Variants in ELAPOR2 observed in about 807,000 individuals in gnomAD.
ELAPOR2 encodes endosome/lysosome-associated apoptosis and autophagy regulator family member 2.
In ELAPOR2, 89 loss-of-function variants were observed where a neutral mutation model predicts 120.7. The observed-to-expected ratio is 0.74, with a 90% CI of 0.62 to 0.88. ELAPOR2 has a LOEUF of 0.88. ELAPOR2 is among the 40% of genes least tolerant of loss of function. The pLI is 0.00. For missense variants in ELAPOR2, 1,134 were observed against 1,251.6 expected (o/e 0.91, Z 1.42); for synonymous variants, 444 against 444.9 (o/e 1.00, Z 0.03).
At chr7:86,911,779 T>C in intron 15 of ELAPOR2, 1 of 526,916 alleles carries the variant, frequency 1.9e-6, no homozygotes, top group Non-Finnish European at 3.6e-6. Context: ...TTGACAACCC[T>C]GACCCATTTT....
Position 86,918,428 on chromosome 7 carries a change from G to C in ELAPOR2, c.1593+14C>G. ...GCTTAGAAATCTGCCTTTGAAAGCC[G>C]CCCGTCCACTTACCACCATGAAGTA... On this transcript the variant is annotated intron_variant, in intron 12 of 21. Coordinates refer to ENST00000450689, the MANE Select transcript of ELAPOR2 (RefSeq NM_001142749.3). The C allele has an allele frequency of 6.5e-7, 1 of 1,529,292 alleles. No individual in the cohort carries two copies. The highest frequency in any genetic ancestry group is 9.0e-7 in the Non-Finnish European group (1 of 1,114,306). 94.7% of individuals were successfully genotyped at this position (1,529,292 alleles called of 1,614,324 possible).
At chr7:87,001,072 A>C (rs146628849) in intron 1 of ELAPOR2, among the ~76,000 whole-genome samples, 2 of 152,284 alleles carry the variant, frequency 1.3e-5, no homozygotes, top group African/African-American at 4.8e-5. Flanking sequence ...TTCCCTGGAA[A>C]CCATCCTAAC....
intron 5 of ELAPOR2, chr7:86,941,481 C>A: frequency 2.2e-6 from 1 of 463,396 alleles, no homozygotes; most frequent in South Asian, 1.6e-5. Context: ...GGTTGAGGCT[C>A]CAAAGAGATA....
chr7:86,987,459 C>T (rs1039143467), intron 1 of ELAPOR2, among the ~76,000 whole-genome samples: 2 of 151,748 alleles, frequency 1.3e-5, no homozygotes, highest in African/African-American at 2.4e-5. Context: ...TGACAAAGGG[C>T]TAATATCCAG....
chr7:87,016,831 C>T (rs1793884976), intron 1 of ELAPOR2, among the ~76,000 whole-genome samples: 1 of 151,850 alleles, frequency 6.6e-6, no homozygotes, highest in Non-Finnish European at 1.5e-5. Flanking sequence ...AACAGCAGCA[C>T]CCAAAGTAAA....
chr7:86,961,863 T>C (rs573477660), intron 2 of ELAPOR2, among the ~76,000 whole-genome samples: 11 of 152,290 alleles, frequency 7.2e-5, no homozygotes, highest in African/African-American at 2.6e-4. Flanking sequence ...GTGCCAATGT[T>C]CCCTGTGGCT....
chr7:87,011,701 G>A (rs1222858419), intron 1 of ELAPOR2, among the ~76,000 whole-genome samples: 3 of 152,126 alleles, frequency 2.0e-5, no homozygotes, highest in Admixed American at 6.5e-5. Context: ...GTGTTGGTGG[G>A]TCACTAGGGA....
At chr7:86,882,874 G>C (rs1369786622) in intron 21 of ELAPOR2, among the ~76,000 whole-genome samples, 1 of 152,058 alleles carries the variant, frequency 6.6e-6, no homozygotes, top group Non-Finnish European at 1.5e-5. Context: ...ATCTTTTTCA[G>C]CTCTAAACCC....
At chr7:86,917,755 T>A (rs1389305538) in intron 12 of ELAPOR2, among the ~76,000 whole-genome samples, 1 of 151,928 alleles carries the variant, frequency 6.6e-6, no homozygotes, top group South Asian at 2.1e-4. Context: ...ATTTTACATA[T>A]CACGGAGAAA....
intron 1 of ELAPOR2, among the ~76,000 whole-genome samples, chr7:87,040,846 A>T (rs1201481223): frequency 2.6e-5 from 4 of 152,160 alleles, no homozygotes; most frequent in Non-Finnish European, 5.9e-5. Flanking sequence ...ACCAAAGGCA[A>T]AGAAGTTGAA....
Position 86,934,551 on chromosome 7 carries a change from G to T in ELAPOR2, c.1089+3575C>A, listed in dbSNP as rs140817637. 4.5e-3 allele frequency among the ~76,000 whole-genome samples: 683 copies of T among 151,882 alleles called. 5 individuals are homozygous for T. Among genetic ancestry groups the T allele is most frequent in the Middle Eastern group, 0.014 (4 of 294 alleles). The stretch of plus-strand genomic sequence containing the variant: ...CTCTAATTTCTGCAAATACTCTATG[G>T]CAGTAACTCCCTTGGTTTCTCCCAC... On this transcript the variant is annotated intron_variant, in intron 8 of 21. Transcript: ENST00000450689.
chr7:86,884,402 C>T (rs141579549), intron 21 of ELAPOR2, among the ~76,000 whole-genome samples: 361 of 152,250 alleles, frequency 2.4e-3, no homozygotes, highest in African/African-American at 7.8e-3. Context: ...GACCTTTGAA[C>T]ACCACAAGTT....
At chr7:86,900,019 A>G (rs1249739117) in intron 18 of ELAPOR2, among the ~76,000 whole-genome samples, 1 of 152,160 alleles carries the variant, frequency 6.6e-6, no homozygotes, top group Non-Finnish European at 1.5e-5. Flanking sequence ...AAAATTAGGT[A>G]AACAATGAGA....
chr7:86,941,784 GA>G (rs1202848525), intron 5 of ELAPOR2, among the ~76,000 whole-genome samples: 2 of 151,884 alleles, frequency 1.3e-5, no homozygotes, highest in Non-Finnish European at 2.9e-5. Context: ...TAAGAAGAAA[GA>G]AAAAGGTAGG....
intron 1 of ELAPOR2, among the ~76,000 whole-genome samples, chr7:87,016,159 G>C (rs1471550453): frequency 6.6e-6 from 1 of 152,120 alleles, no homozygotes. Flanking sequence ...ATTTCTCAAA[G>C]ACTTTTATAA....
At position 86,948,135 on chromosome 7, in the gene ELAPOR2, C is replaced by T. The variant is rs537907172; in HGVS notation, c.311-213G>A. On this transcript the variant is annotated intron_variant, in intron 2 of 21. Coordinates refer to ENST00000450689, the MANE Select transcript of ELAPOR2 (RefSeq NM_001142749.3). ...TTGCCCCACCCTCTTCCAGCCAAAA[C>T]AGAATTCCTATCATTCCCAAAATAT... is the stretch of plus-strand genomic sequence containing the variant. 3.9e-5 allele frequency among the ~76,000 whole-genome samples: 6 copies of T among 152,312 alleles called. No individual in the cohort carries two copies. The South Asian group carries it at 1.2e-3, about 32-fold the overall frequency.
intron 1 of ELAPOR2, among the ~76,000 whole-genome samples, chr7:87,014,165 G>A (rs1421885164): frequency 6.6e-6 from 1 of 151,904 alleles, no homozygotes; most frequent in African/African-American, 2.4e-5. Context: ...ATGAGTTACG[G>A]TGCTGTTGGC....
At chr7:87,027,655 G>A (rs958960573) in intron 1 of ELAPOR2, among the ~76,000 whole-genome samples, 3 of 152,168 alleles carry the variant, frequency 2.0e-5, no homozygotes, top group Non-Finnish European at 2.9e-5. Flanking sequence ...ATAGAGTGAG[G>A]ATGGATGTGA....
intron 1 of ELAPOR2, among the ~76,000 whole-genome samples, chr7:86,971,519 T>C (rs971451244): frequency 6.6e-6 from 1 of 152,198 alleles, no homozygotes; most frequent in African/African-American, 2.4e-5. Flanking sequence ...AAAGTATATC[T>C]TATTGTATAA....
Sources: allele counts gnomAD v4.1 joint callset (sites outside exome capture counted in the v4.1 genomes callset), GRCh38; gene constraint gnomAD v4.1.1; transcripts MANE v1.5; gene names NCBI Gene and HGNC (gene_info 2026-07-23, HGNC 2026-07-21).